The following INPP5B variants were observed in gnomAD, a reference collection of about 807,000 sequenced individuals.
INPP5B encodes the protein type II inositol 1,4,5-trisphosphate 5-phosphatase.
In INPP5B, 90 loss-of-function variants were observed where a neutral mutation model predicts 118.5. That is an observed-to-expected ratio of 0.76 (90% CI 0.64 to 0.90). INPP5B has a LOEUF of 0.90. Among genes scored for constraint, INPP5B ranks in the 40% least tolerant of loss-of-function variants. The pLI, the probability that INPP5B is intolerant of heterozygous loss-of-function variation, is 0.00. For synonymous variants in INPP5B, 385 were observed against 418.9 expected (o/e 0.92, Z 0.99); for missense variants, 984 against 1,125.6 (o/e 0.87, Z 1.80).
intron 6 of INPP5B, among the ~76,000 whole-genome samples, chr1:37,939,322 C>G (rs996460622): frequency 1.3e-5 from 2 of 151,838 alleles, no homozygotes; most frequent in African/African-American, 4.8e-5. Context: ...CGAGATCGCG[C>G]CACTGCACTC....
At chr1:37,900,474 T>TG (rs1332050824) in intron 7 of INPP5B, among the ~76,000 whole-genome samples, 1 of 150,338 alleles carries the variant, frequency 6.7e-6, no homozygotes, top group Non-Finnish European at 1.5e-5. Context: ...AGGCTGGTCT[T>TG]GAACTCCTGA....
At chr1:37,901,706 G>A (rs189670765) in intron 7 of INPP5B, among the ~76,000 whole-genome samples, 1 of 152,256 alleles carries the variant, frequency 6.6e-6, no homozygotes, top group East Asian at 1.9e-4. Flanking sequence ...TGATGTGGGG[G>A]ATTTCCAGCC....
intron 19 of INPP5B, among the ~76,000 whole-genome samples, chr1:37,871,535 A>C (rs867379104): frequency 1.0e-4 from 15 of 149,836 alleles, no homozygotes; most frequent in African/African-American, 3.7e-4. Context: ...TGGAAAGCTG[A>C]GGCGGGCAGA....
intron 7 of INPP5B, among the ~76,000 whole-genome samples, chr1:37,922,410 C>A (rs918574821): frequency 1.3e-5 from 2 of 150,996 alleles, no homozygotes; most frequent in East Asian, 3.9e-4. Context: ...AAGCTGGGCT[C>A]CGTTTCAAAA....
At chr1:37,881,051 C>T (rs1408463800) in intron 14 of INPP5B, among the ~76,000 whole-genome samples, 1 of 152,158 alleles carries the variant, frequency 6.6e-6, no homozygotes. Flanking sequence ...CATAGCTACA[C>T]CCAAAGGGCC....
At chr1:37,941,705 G>A (rs910011675) in intron 5 of INPP5B, among the ~76,000 whole-genome samples, 30 of 149,902 alleles carry the variant, frequency 2.0e-4, no homozygotes, top group East Asian at 8.0e-4. Flanking sequence ...TTGGGAGGCC[G>A]AGGCGGGCGG....
chr1:37,895,219 T>C (rs558264760), intron 7 of INPP5B, among the ~76,000 whole-genome samples: 107 of 152,338 alleles, frequency 7.0e-4, no homozygotes, highest in African/African-American at 2.4e-3. Context: ...CTCTCATCCA[T>C]TGATAGTAGG....
chr1:37,888,290 C>A lies in INPP5B; in HGVS notation c.852G>T (p.Arg284=). 1 of 1,579,762 alleles carries A rather than the reference C, an allele frequency of 6.3e-7. No homozygotes were observed. The highest frequency in any genetic ancestry group is 1.2e-5 in the South Asian group (1 of 86,228). ...CCTGGATACCATTGCTCAGCCACAG[C>A]CGGAGGCATTCTTTGGGGGACTGCC... is the stretch of plus-strand genomic sequence containing the variant. ...VNGQSPKECL[R]LWLSNGIQAP... The change falls in exon 10 of 24, where the codon CGG becomes CGT. Residue 284 remains arginine, a synonymous_variant. Transcript: ENST00000373024.
intron 7 of INPP5B, among the ~76,000 whole-genome samples, chr1:37,920,931 C>T (rs1258147475): frequency 6.6e-6 from 1 of 152,020 alleles, no homozygotes; most frequent in African/African-American, 2.4e-5. Flanking sequence ...ACAGTGAAAC[C>T]CTGTCTCTAC....
intron 17 of INPP5B, among the ~76,000 whole-genome samples, chr1:37,874,455 A>G (rs1346124366): frequency 6.6e-6 from 1 of 152,200 alleles, no homozygotes; most frequent in East Asian, 1.9e-4. Flanking sequence ...ACTTCTAAAC[A>G]TGAAGATCAA....
chr1:37,940,756 A>T lies in INPP5B; in HGVS notation c.323T>A (p.Leu108His), dbSNP rs759045874. 26 of 1,614,044 alleles carry T rather than the reference A, an allele frequency of 1.6e-5. No homozygotes were observed. Among genetic ancestry groups the T allele is most frequent in the Non-Finnish European group, 2.2e-5 (26 of 1,179,944 alleles). The stretch of plus-strand genomic sequence containing the variant: ...TGAACCAAAGGGCAGTTGGAATACG[A>T]GGCTAAGCTCTGCTGTGTCCAGCTG... The part of the protein sequence containing the change: ...TVQLDTAELS[L>H]VFQLPFGSQT... The change falls in exon 6 of 24, where the codon CTC becomes CAC. Residue 108 changes from leucine (L) to histidine (H), a missense_variant. Physicochemically the swap from Leu to His is moderately conservative, Grantham distance 99. This residue lies in a region of INPP5B where 350 missense variants were observed against 334.6 expected (regional missense o/e 1.05). Coordinates refer to ENST00000373024, the MANE Select transcript of INPP5B (RefSeq NM_005540.3).
chr1:37,936,068 A>G (rs545342204), intron 6 of INPP5B, among the ~76,000 whole-genome samples: 4 of 152,054 alleles, frequency 2.6e-5, no homozygotes, highest in Non-Finnish European at 5.9e-5. Flanking sequence ...TCCGTATCAA[A>G]AAATAAATAA....
chr1:37,926,472 T>TG (rs1645234012), intron 7 of INPP5B, among the ~76,000 whole-genome samples: 1 of 152,108 alleles, frequency 6.6e-6, no homozygotes, highest in East Asian at 1.9e-4. Flanking sequence ...TTAGTAGAGA[T>TG]GGGGTTTCAC....
At chr1:37,915,616 T>C (rs1644836774) in intron 7 of INPP5B, among the ~76,000 whole-genome samples, 1 of 152,218 alleles carries the variant, frequency 6.6e-6, no homozygotes, top group Admixed American at 6.5e-5. Context: ...TGTGCATAGA[T>C]ACCACACTTA....
chr1:37,888,144 G>T, intron 10 of INPP5B, 99 bp downstream of exon 10: 1 of 666,206 alleles, frequency 1.5e-6, no homozygotes. Flanking sequence ...TCAGGCATCT[G>T]TTCATTTTTC....
chr1:37,886,385 G>C (rs1012021588), intron 12 of INPP5B, among the ~76,000 whole-genome samples: 2 of 151,884 alleles, frequency 1.3e-5, no homozygotes, highest in African/African-American at 4.8e-5. Context: ...GCCTCCCAAA[G>C]TGCTGGGATT....
chr1:37,881,451 T>C (rs1318350312), intron 14 of INPP5B, among the ~76,000 whole-genome samples: 4 of 152,226 alleles, frequency 2.6e-5, no homozygotes, highest in Non-Finnish European at 5.9e-5. Flanking sequence ...CACTTGGCAC[T>C]ACACGGACTG....
intron 7 of INPP5B, among the ~76,000 whole-genome samples, chr1:37,914,294 A>G (rs927820262): frequency 6.6e-6 from 1 of 152,176 alleles, no homozygotes; most frequent in African/African-American, 2.4e-5. Flanking sequence ...CTTTCTTAAT[A>G]AATTTGCCTT....
chr1:37,892,031 A>G (rs1040126875), intron 7 of INPP5B, among the ~76,000 whole-genome samples: 1 of 152,200 alleles, frequency 6.6e-6, no homozygotes, highest in African/African-American at 2.4e-5. Context: ...TAAAGGGTAC[A>G]TTAAGGAAAG....
Sources: allele counts gnomAD v4.1 joint callset (sites outside exome capture counted in the v4.1 genomes callset), GRCh38; gene constraint gnomAD v4.1.1; regional missense constraint gnomAD v4.1.1; transcripts MANE v1.5; gene names NCBI Gene and HGNC (gene_info 2026-07-23, HGNC 2026-07-21).